Variants in ATP1A4 observed in about 807,000 individuals in gnomAD.
ATP1A4 encodes the protein sodium/potassium-transporting ATPase subunit alpha-4.
Under a neutral mutation model 114.3 loss-of-function variants are expected in ATP1A4, and 90 were observed. That is an observed-to-expected ratio of 0.79 (90% confidence interval 0.66 to 0.94). The LOEUF (loss-of-function observed/expected upper bound fraction) is 0.94. ATP1A4 is among the 40% of genes least tolerant of loss of function. The probability of loss-of-function intolerance (pLI) is 0.00; values close to 1 mark genes in which losing one functional copy is unlikely to be tolerated. For missense variants in ATP1A4, 1,222 were observed against 1,313.6 expected (o/e 0.93, Z 1.08); for synonymous variants, 511 against 494.1 (o/e 1.03, Z -0.45).
At chr1:160,173,829 G>A (rs1653353177) in intron 13 of ATP1A4, 112 bp downstream of exon 13, 1 of 1,370,310 alleles carries the variant, frequency 7.3e-7, no homozygotes, top group Non-Finnish European at 1.0e-6. Context: ...GGTAGGATGT[G>A]TGGGGTTTAC....
intron 17 of ATP1A4, among the ~76,000 whole-genome samples, chr1:160,177,210 C>T (rs1417580032): frequency 3.9e-5 from 6 of 152,102 alleles, no homozygotes; most frequent in Admixed American, 3.9e-4. Flanking sequence ...GAGTAAGATC[C>T]TGTCTCAAAA....
At chr1:160,175,623 G>A (rs1037539252) in intron 15 of ATP1A4, among the ~76,000 whole-genome samples, 1 of 151,880 alleles carries the variant, frequency 6.6e-6, no homozygotes, top group Non-Finnish European at 1.5e-5. Flanking sequence ...AGAGGGATTC[G>A]ATCTTTGAAA....
intron 14 of ATP1A4, 56 bp from the exon 15 acceptor site, chr1:160,174,523 C>A: frequency 6.3e-7 from 1 of 1,582,520 alleles, no homozygotes; most frequent in South Asian, 1.2e-5. Flanking sequence ...ATCTTTGGGA[C>A]TAGTTCTGGA....
Position 160,176,184 on chromosome 1 carries a change from C to A in ATP1A4, c.2404C>A (p.Leu802Ile). 1.2e-6 allele frequency: 2 copies of A among 1,614,114 alleles called. No individual in the cohort carries two copies. The highest frequency in any genetic ancestry group is 1.1e-5 in the South Asian group (1 of 91,072). The change falls in exon 16 of 22, where the codon CTC becomes ATC. Residue 802 changes from leucine (L) to isoleucine (I), a missense_variant. Leu to Ile is a conservative substitution (Grantham distance 5). Coordinates refer to ENST00000368081, the MANE Select transcript of ATP1A4 (RefSeq NM_144699.4). Reference protein sequence around the residue: ...EITPFLMFIILGIPLPLGTIT... With the variant: ...EITPFLMFIIIGIPLPLGTIT... ...CACGCCCTTCCTGATGTTCATCATC[C>A]TCGGTATACCCCTGCCTCTGGGAAC...
At chr1:160,165,116 A>G (rs1259426722) in intron 7 of ATP1A4, among the ~76,000 whole-genome samples, 2 of 152,184 alleles carry the variant, frequency 1.3e-5, no homozygotes, top group Non-Finnish European at 2.9e-5. Context: ...CATTCTTCCT[A>G]TGACATGGTC....
chr1:160,154,390 T>C (rs1652562128), intron 2 of ATP1A4, among the ~76,000 whole-genome samples: 1 of 152,028 alleles, frequency 6.6e-6, no homozygotes, highest in African/African-American at 2.4e-5. Context: ...AAAATGGATA[T>C]GTAGATGTAC....
intron 10 of ATP1A4, chr1:160,170,493 C>T (rs180818203): frequency 7.2e-5 from 11 of 151,802 alleles, no homozygotes; most frequent in African/African-American, 2.2e-4. Context: ...TATGTTTTGT[C>T]GAAGGAACTA....
chr1:160,174,045 G>A, intron 13 of ATP1A4, 66 bp from the exon 14 acceptor site: 1 of 1,548,878 alleles, frequency 6.5e-7, no homozygotes, highest in Non-Finnish European at 8.8e-7. Flanking sequence ...TAGTCAAGAT[G>A]GGCACCAAGA....
In ATP1A4 at chr1:160,181,918, G is replaced by A; in HGVS notation, c.2868-12G>A. The A allele has an allele frequency of 1.2e-6, 2 of 1,613,906 alleles. No individual in the cohort carries two copies. The highest frequency in any genetic ancestry group is 1.7e-6 in the Non-Finnish European group (2 of 1,179,860). On this transcript the variant is annotated splice_polypyrimidine_tract_variant and intron_variant, in intron 19 of 21. Coordinates refer to ENST00000368081, the MANE Select transcript of ATP1A4 (RefSeq NM_144699.4). ...CTCCCTCCCCGCCACACCCATGAATGTTTCTTCCCAGAAACAAAGTCTTAA... is the reference window on the plus strand; with the variant it reads ...CTCCCTCCCCGCCACACCCATGAATATTTCTTCCCAGAAACAAAGTCTTAA...
At position 160,174,734 on chromosome 1, in the gene ATP1A4, G is replaced by A. The variant is rs200079060; in HGVS notation, c.2298G>A (p.Thr766=). 4,642 of 1,614,102 alleles carry A rather than the reference G, an allele frequency of 2.9e-3. 148 individuals carry two copies. The South Asian group carries it at 0.048, about 17-fold the overall frequency. The change falls in exon 15 of 22, where the codon ACG becomes ACA. Residue 766 remains threonine, a synonymous_variant. Transcript: ENST00000368081. ...LLDDNFASIV[T]GVEEGRLIFD... is the part of the protein sequence containing the mutation. ...ATGACAACTTTGCCTCCATCGTCAC[G>A]GGGGTGGAGGAGGGTGAGGAGGCAG... is the stretch of plus-strand genomic sequence containing the variant.
rs372561307 is a variant in ATP1A4 at position 160,166,579 on chromosome 1, A to G, written c.1099A>G (p.Lys367Glu). Reference sequence around the variant, plus strand: ...CATGGCGCGGAAGAACTGCCTGGTGAAGAACCTGGAGGCGGTGGAGACGCT... The same window carrying G: ...CATGGCGCGGAAGAACTGCCTGGTGGAGAACCTGGAGGCGGTGGAGACGCT... ...KRMARKNCLV[K>E]NLEAVETLGS... is the part of the protein sequence containing the mutation. The change falls in exon 8 of 22, where the codon AAG (lysine) becomes GAG (glutamate). Residue 367 changes from lysine (K) to glutamate (E), a missense_variant. Transcript: ENST00000368081. 2.5e-6 allele frequency: 4 copies of G among 1,614,252 alleles called. No homozygotes were observed. Among genetic ancestry groups the G allele is most frequent in the Non-Finnish European group, 3.4e-6 (4 of 1,180,048 alleles).
intron 18 of ATP1A4, among the ~76,000 whole-genome samples, chr1:160,179,651 A>G (rs1653609762): frequency 1.3e-5 from 2 of 152,182 alleles, no homozygotes; most frequent in Non-Finnish European, 2.9e-5. Flanking sequence ...AATTCCAGTG[A>G]TTCCCTCACT....
rs748527356 is a variant in ATP1A4, at chr1:160,159,085, T to C, written c.609T>C (p.Gly203=). The part of the protein sequence containing the change: ...VVLGDLVEIK[G]GDRVPADLRL... ...TGGGAGACCTGGTGGAAATCAAGGG[T>C]GGAGACCGAGTCCCTGCTGACCTCC... Residue 203 remains glycine (G), a synonymous_variant, in exon 5 of 22, where the codon GGT becomes GGC. Coordinates refer to ENST00000368081, the MANE Select transcript of ATP1A4 (RefSeq NM_144699.4). 6.8e-6 allele frequency: 11 copies of C among 1,614,100 alleles called. No homozygotes were observed. In the Admixed American group the frequency reaches 1.0e-4, roughly 15 times the overall value.
In ATP1A4 at chr1:160,166,617, C is replaced by T. The variant is rs758680508; in HGVS notation, c.1137C>T (p.Ser379=). 2 of 1,614,124 alleles carry T rather than the reference C, an allele frequency of 1.2e-6. No homozygotes were observed. The highest frequency in any genetic ancestry group is 1.7e-6 in the Non-Finnish European group (2 of 1,180,050). ...CGGTGGAGACGCTGGGCTCCACGTC[C>T]ACCATCTGCTCAGACAAGACGGGCA... The part of the protein sequence containing the change: ...LEAVETLGST[S]TICSDKTGTL... Residue 379 remains serine (S), a synonymous_variant, in exon 8 of 22, where the codon TCC becomes TCT. Coordinates refer to ENST00000368081, the MANE Select transcript of ATP1A4 (RefSeq NM_144699.4).
At position 160,164,341 on chromosome 1, in the gene ATP1A4, G is replaced by A. The variant is rs764393227; in HGVS notation, c.964G>A (p.Gly322Ser). 2.0e-5 allele frequency: 32 copies of A among 1,613,914 alleles called. No homozygotes were observed. The South Asian group carries it at 2.6e-4, about 13-fold the overall frequency. Residue 322 changes from glycine to serine, a missense_variant, in exon 7 of 22, where the codon GGC becomes AGC. By Grantham distance (56) the Gly-to-Ser change is moderately conservative. Coordinates refer to ENST00000368081, the MANE Select transcript of ATP1A4 (RefSeq NM_144699.4). ...VTFFALSLLL[G>S]YGWLEAIIFL... is the part of the protein sequence containing the mutation. Reference sequence around the variant, plus strand: ...TTTTTTTGCGCTCTCACTTCTCTTGGGCTATGGTTGGCTGGAGGCTATCAT... The same window carrying A: ...TTTTTTTGCGCTCTCACTTCTCTTGAGCTATGGTTGGCTGGAGGCTATCAT...
chr1:160,186,556 C>A, intron 21 of ATP1A4, 115 bp from the exon 22 acceptor site: 1 of 1,253,378 alleles, frequency 8.0e-7, no homozygotes, highest in Non-Finnish European at 1.1e-6. Context: ...ACCCTCAGTG[C>A]CCTGTGTTCC....
chr1:160,180,811 T>G, intron 18 of ATP1A4, among the ~76,000 whole-genome samples: 1 of 142,312 alleles, frequency 7.0e-6, no homozygotes, highest in African/African-American at 2.6e-5. Flanking sequence ...GCCTCCCGGG[T>G]TCACACCATT....
Position 160,176,550 on chromosome 1 carries a change from G to C in ATP1A4, c.2538G>C (p.Lys846Asn). The C allele has an allele frequency of 6.2e-7, 1 of 1,614,174 alleles. No homozygotes were observed. Among genetic ancestry groups the C allele is most frequent in the Non-Finnish European group, 8.5e-7 (1 of 1,180,044 alleles). ...TGAAGAGGCTTCCAAGGAACCCAAA[G>C]ACGGATAATCTGGTGAACCACCGTC... ...DIMKRLPRNPKTDNLVNHRLI... is the reference protein window; with the variant it reads ...DIMKRLPRNPNTDNLVNHRLI... The change falls in exon 17 of 22, where the codon AAG becomes AAC. Residue 846 changes from lysine to asparagine, a missense_variant. Physicochemically the swap from Lys to Asn is moderately conservative, Grantham distance 94. Coordinates refer to ENST00000368081, the MANE Select transcript of ATP1A4 (RefSeq NM_144699.4).
chr1:160,159,173 C>T (rs201061605), intron 5 of ATP1A4, 37 bp downstream of exon 5: 20 of 1,601,588 alleles, frequency 1.2e-5, no homozygotes, highest in Admixed American at 3.4e-5. Flanking sequence ...GGGACCCAAG[C>T]GTGATCTCAT....
Sources: gnomAD v4.1 joint callset for allele counts (sites outside exome capture counted in the v4.1 genomes callset) on GRCh38, gnomAD v4.1.1 for gene constraint, MANE v1.5 for transcripts, NCBI Gene and HGNC (gene_info 2026-07-23, HGNC 2026-07-21) for gene names.